SBK1: variants seen among roughly 807,000 people sequenced by gnomAD.
The protein encoded by SBK1 is serine/threonine-protein kinase SBK1.
A neutral mutation model predicts 24.4 loss-of-function variants in SBK1; 11 were observed. The observed-to-expected ratio is 0.45, with a 90% CI of 0.28 to 0.75. SBK1 has a LOEUF of 0.75. SBK1 is among the 30% of genes least tolerant of loss of function. The probability of loss-of-function intolerance (pLI) is 0.12; values close to 1 mark genes in which losing one functional copy is unlikely to be tolerated. For synonymous variants in SBK1, 308 were observed against 284.4 expected, an observed-to-expected ratio of 1.08 and a Z score of -0.83; for missense variants, 467 against 620.5, an observed-to-expected ratio of 0.75 and a Z score of 2.63.
chr16:28,299,823 A>G (rs2141580098), intron 1 of SBK1, among the ~76,000 whole-genome samples: 1 of 152,290 alleles, frequency 6.6e-6, no homozygotes, highest in African/African-American at 2.4e-5. Flanking sequence ...GGTCCCCGCC[A>G]TGGCCTCGGA....
chr16:28,320,483 G>T lies in SBK1; in HGVS notation c.837G>T (p.Ser279=), dbSNP rs749706436. 1.3e-6 allele frequency: 2 copies of T among 1,573,662 alleles called. No individual in the cohort carries two copies. The highest frequency in any genetic ancestry group is 1.7e-6 in the Non-Finnish European group (2 of 1,166,694). ...WQRGRLPGLP[S]QWRRFTEPAL... is the part of the protein sequence containing the mutation. ...GGGGCCGCCTGCCGGGGCTGCCTTC[G>T]CAGTGGCGCCGCTTCACCGAGCCCG... The change falls in exon 4 of 4, where the codon TCG becomes TCT. Residue 279 remains serine (S), a synonymous_variant. Coordinates refer to ENST00000341901, the MANE Select transcript of SBK1 (RefSeq NM_001024401.3). This position sits in a 1 kb window ranked among gnomAD's most constrained non-coding sequence, Gnocchi z 8.5.
intron 1 of SBK1, among the ~76,000 whole-genome samples, chr16:28,313,360 C>T (rs888893093): frequency 2.3e-4 from 34 of 150,870 alleles, no homozygotes; most frequent in Non-Finnish European, 2.8e-4. Flanking sequence ...CCTGTAATCC[C>T]AGCACTTTGG....
intron 1 of SBK1, among the ~76,000 whole-genome samples, chr16:28,300,610 C>A (rs770739416): frequency 1.3e-5 from 2 of 152,104 alleles, no homozygotes; most frequent in Non-Finnish European, 2.9e-5. Context: ...AGGCTTGAGC[C>A]GCTGTGCCTG....
intron 1 of SBK1, among the ~76,000 whole-genome samples, chr16:28,265,540 C>A: frequency 6.6e-6 from 1 of 150,388 alleles, no homozygotes. Flanking sequence ...GTGATTGTAC[C>A]ACTGCACTCC....
At chr16:28,280,186 T>TATATATATAC (rs1555536547) in intron 1 of SBK1, among the ~76,000 whole-genome samples, 9 of 129,958 alleles carry the variant, frequency 6.9e-5, no homozygotes, top group South Asian at 2.4e-4. Context: ...TATATATACA[T>TATATATATAC]ATATATGTAC....
intron 1 of SBK1, among the ~76,000 whole-genome samples, chr16:28,297,940 G>T (rs1337107436): frequency 1.3e-5 from 2 of 152,318 alleles, no homozygotes; most frequent in East Asian, 3.9e-4. Flanking sequence ...GCCTCTTCTA[G>T]CACTCTGCCT....
chr16:28,265,284 T>C (rs938272728), intron 1 of SBK1, among the ~76,000 whole-genome samples: 2 of 151,928 alleles, frequency 1.3e-5, no homozygotes, highest in East Asian at 3.9e-4. Flanking sequence ...CCGGGCATCA[T>C]GGCGCATGTC....
rs754993670 is a variant in SBK1 at position 28,320,190 on chromosome 16, C to T, written c.544C>T (p.Leu182=). ...CGACATCAAGCCCGAGAACGTGCTG[C>T]TGTTCGACCGCGAGTGCCGCCGCGT... ...HRDIKPENVL[L]FDRECRRVKL... Residue 182 remains leucine (L), a synonymous_variant, in exon 4 of 4, where the codon CTG becomes TTG. Transcript: ENST00000341901. The surrounding 1 kb of genome is among the most constrained non-coding windows in gnomAD (Gnocchi z 8.5). 1.9e-6 allele frequency: 3 copies of T among 1,594,146 alleles called. No homozygotes were observed. The South Asian group carries it at 3.3e-5, about 18-fold the overall frequency.
At chr16:28,293,941 A>T (rs1003594457) in intron 1 of SBK1, among the ~76,000 whole-genome samples, 1 of 152,116 alleles carries the variant, frequency 6.6e-6, no homozygotes, top group Admixed American at 6.5e-5. Context: ...CCCCAAAGTG[A>T]GGCGCTAGTT....
chr16:28,278,056 A>G (rs906092087), intron 1 of SBK1, among the ~76,000 whole-genome samples: 2 of 152,250 alleles, frequency 1.3e-5, no homozygotes, highest in Non-Finnish European at 2.9e-5. Flanking sequence ...GGGCACAGCT[A>G]TAAGTCCGAC....
chr16:28,320,441 G>A lies in SBK1; in HGVS notation c.795G>A (p.Glu265=), dbSNP rs1397198553. Reference sequence around the variant, plus strand: ...CGGGCGCCGACGCCTTCTTCGAGGAGTTCGTGCGCTGGCAGCGGGGCCGCC... The same window carrying A: ...CGGGCGCCGACGCCTTCTTCGAGGAATTCGTGCGCTGGCAGCGGGGCCGCC... ...AASGADAFFE[E]FVRWQRGRLP... The change falls in exon 4 of 4, where the codon GAG becomes GAA. Residue 265 remains glutamate, a synonymous_variant. Coordinates refer to ENST00000341901, the MANE Select transcript of SBK1 (RefSeq NM_001024401.3). This position sits in a 1 kb window ranked among gnomAD's most constrained non-coding sequence, Gnocchi z 8.5. The A allele has an allele frequency of 1.3e-6, 2 of 1,582,392 alleles. No individual in the cohort carries two copies. The highest frequency in any genetic ancestry group is 1.7e-5 in the Admixed American group (1 of 57,500).
At chr16:28,315,500 G>A (rs1284828485) in intron 1 of SBK1, among the ~76,000 whole-genome samples, 1 of 152,106 alleles carries the variant, frequency 6.6e-6, no homozygotes, top group Non-Finnish European at 1.5e-5. Flanking sequence ...GGTGGCTCAC[G>A]CTGTAGTCCC....
chr16:28,320,291 G>C lies in SBK1; in HGVS notation c.645G>C (p.Thr215=). The change falls in exon 4 of 4, where the codon ACG becomes ACC. Residue 215 remains threonine (T), a synonymous_variant. Coordinates refer to ENST00000341901, the MANE Select transcript of SBK1 (RefSeq NM_001024401.3). The surrounding 1 kb of genome is among the most constrained non-coding windows in gnomAD (Gnocchi z 8.5). The part of the protein sequence containing the change: ...VKRVSGTIPY[T]APEVCQAGRA... Reference sequence around the variant, plus strand: ...GCGTGAGCGGCACCATCCCTTACACGGCGCCTGAGGTGTGCCAGGCGGGCC... The same window carrying C: ...GCGTGAGCGGCACCATCCCTTACACCGCGCCTGAGGTGTGCCAGGCGGGCC... 1 of 1,589,690 alleles carries C rather than the reference G, an allele frequency of 6.3e-7. No homozygotes were observed. The highest frequency in any genetic ancestry group is 8.5e-7 in the Non-Finnish European group (1 of 1,174,240).
Position 28,320,641 on chromosome 16 carries a change from C to A in SBK1, c.995C>A (p.Pro332His), listed in dbSNP as rs2044833906. The change falls in exon 4 of 4, where the codon CCC (proline) becomes CAC (histidine). Residue 332 changes from proline (P) to histidine (H), a missense_variant. By Grantham distance (77) the Pro-to-His change is moderately conservative. This residue lies in a region of SBK1 where 166 missense variants were observed against 146.8 expected (regional missense o/e 1.13). Coordinates refer to ENST00000341901, the MANE Select transcript of SBK1 (RefSeq NM_001024401.3). This position sits in a 1 kb window ranked among gnomAD's most constrained non-coding sequence, Gnocchi z 8.5. ...RRRPSHRARK[P>H]PGDRPPAAGP... is the part of the protein sequence containing the mutation. ...CGGCCCTCGCACCGCGCGCGCAAGC[C>A]CCCCGGGGACCGCCCGCCCGCCGCC... The A allele has an allele frequency of 8.6e-7, 1 of 1,168,968 alleles. No individual in the cohort carries two copies. The highest frequency in any genetic ancestry group is 4.8e-5 in the Admixed American group (1 of 21,004). The allele number at this position is 1,168,968 out of a possible 1,614,324, so 72.4% of individuals were successfully genotyped here. A position where few individuals can be genotyped will look rare whatever the true frequency, so the allele number is the denominator to read the frequency against.
At chr16:28,298,369 G>A (rs1448725900) in intron 1 of SBK1, among the ~76,000 whole-genome samples, 1 of 152,186 alleles carries the variant, frequency 6.6e-6, no homozygotes. Context: ...TAGCCCTGAG[G>A]ACAGCACCAC....
intron 1 of SBK1, among the ~76,000 whole-genome samples, chr16:28,295,794 G>A (rs993839123): frequency 2.0e-5 from 3 of 152,070 alleles, no homozygotes; most frequent in East Asian, 1.9e-4. Context: ...AGGCCACAGC[G>A]GGAGAATGAC....
chr16:28,265,330 G>C (rs1468083640), intron 1 of SBK1, among the ~76,000 whole-genome samples: 2 of 152,158 alleles, frequency 1.3e-5, no homozygotes, highest in East Asian at 3.9e-4. Context: ...GAGGTGGGAG[G>C]GTTGCTTGAA....
chr16:28,265,416 C>CATAA (rs1387873200), intron 1 of SBK1, among the ~76,000 whole-genome samples: 1 of 151,604 alleles, frequency 6.6e-6, no homozygotes, highest in East Asian at 1.9e-4. Flanking sequence ...AAAACTCTCT[C>CATAA]ATAAATAAAT....
chr16:28,310,484 G>A (rs1440208040), intron 1 of SBK1, among the ~76,000 whole-genome samples: 4 of 152,192 alleles, frequency 2.6e-5, no homozygotes, highest in Admixed American at 2.6e-4. Flanking sequence ...AAGCACAAGA[G>A]TGAAAGGTAC....
Sources: gnomAD v4.1 joint callset for allele counts (sites outside exome capture counted in the v4.1 genomes callset) on GRCh38, gnomAD v4.1.1 for gene constraint, gnomAD v4.1.1 regional missense constraint, Gnocchi (gnomAD v3.1) non-coding constraint, MANE v1.5 for transcripts, NCBI Gene and HGNC (gene_info 2026-07-23, HGNC 2026-07-21) for gene names.